The following ANO3 variants were observed in gnomAD, a reference collection of about 807,000 sequenced individuals.
ANO3 encodes anoctamin 3, also known as anoctamin-3.
In ANO3, 99 loss-of-function variants were observed where a neutral mutation model predicts 144.8. The ratio of observed to expected loss-of-function variants is 0.68; its 90% CI spans 0.58 to 0.81. The LOEUF (loss-of-function observed/expected upper bound fraction) is 0.81, where lower values mean the gene tolerates loss of function less well. Ranked by LOEUF, ANO3 falls within the 30% of genes least tolerant of loss-of-function variation. The probability of loss-of-function intolerance (pLI) is 0.00; values close to 1 mark genes in which losing one functional copy is unlikely to be tolerated. For missense variants in ANO3, 905 were observed against 1,202.2 expected (o/e 0.75, Z 3.66); for synonymous variants, 414 against 392.6 (o/e 1.05, Z -0.64).
chr11:26,308,569 T>C (rs1317239630), upstream of ANO3, among the ~76,000 whole-genome samples: 7 of 152,184 alleles, frequency 4.6e-5, no homozygotes, highest in Non-Finnish European at 1.0e-4. Flanking sequence ...GCAGGCTACT[T>C]AAAAAGTGAG....
chr11:26,230,163 G>C (rs1852360115), intron 1 of ANO3, among the ~76,000 whole-genome samples: 1 of 152,190 alleles, frequency 6.6e-6, no homozygotes, highest in Non-Finnish European at 1.5e-5. Context: ...GAAGTGGATA[G>C]TTCAACAAAA....
chr11:26,358,407 T>C (rs1855842534), intron 1 of ANO3, among the ~76,000 whole-genome samples: 1 of 152,130 alleles, frequency 6.6e-6, no homozygotes, highest in Admixed American at 6.5e-5. Flanking sequence ...CTTGACCTCG[T>C]GATCCACCTG....
In ANO3 at chr11:26,334,022, GTAT is replaced by G. The variant is rs1367782657; in HGVS notation, c.46+1705_46+1707del. ...AGCTTCAAATGGCCCCCACAACAAT[GTAT>G]TATGTATGGATACATGTTGTGTTTT... is the stretch of plus-strand genomic sequence containing the variant. On this transcript the variant is annotated intron_variant, in intron 1 of 26. Coordinates refer to ENST00000256737, the MANE Select transcript of ANO3 (RefSeq NM_031418.4). Among the ~76,000 whole-genome samples the G allele has an allele frequency of 2.6e-5, 4 of 152,268 alleles. No homozygotes were observed. In the East Asian group the frequency reaches 7.7e-4, roughly 29 times the overall value.
At chr11:26,260,894 G>A (rs1043640872) in intron 1 of ANO3, among the ~76,000 whole-genome samples, 2 of 152,046 alleles carry the variant, frequency 1.3e-5, no homozygotes, top group African/African-American at 4.8e-5. Flanking sequence ...CTGTGATGCT[G>A]GGAAGGCTCT....
chr11:26,366,949 A>G (rs1231546753), intron 1 of ANO3, among the ~76,000 whole-genome samples: 2 of 151,960 alleles, frequency 1.3e-5, no homozygotes, highest in Non-Finnish European at 2.9e-5. Context: ...CAGAAATAAT[A>G]CCAAACATCT....
chr11:26,527,578 G>A (rs149032081), intron 7 of ANO3, among the ~76,000 whole-genome samples: 48 of 152,146 alleles, frequency 3.2e-4, no homozygotes, highest in African/African-American at 7.5e-4. Flanking sequence ...GAAATCAAAC[G>A]TGGCCATTTA....
intron 14 of ANO3, chr11:26,567,107 G>A: frequency 6.8e-7 from 1 of 1,464,868 alleles, no homozygotes; most frequent in Non-Finnish European, 9.1e-7. Context: ...TGCAGATGAA[G>A]AAACTGAAGC....
chr11:26,471,169 T>C (rs938581204), intron 4 of ANO3, among the ~76,000 whole-genome samples: 1 of 151,950 alleles, frequency 6.6e-6, no homozygotes, highest in Non-Finnish European at 1.5e-5. Flanking sequence ...CCCAAGTCTG[T>C]AAGCTAGGTG....
At chr11:26,630,542 CTTTTATTATCACACAG>C (rs142672537) in intron 18 of ANO3, among the ~76,000 whole-genome samples, 53,080 of 152,048 alleles carry the variant, frequency 0.35, 9,833 homozygotes, top group South Asian at 0.48. Flanking sequence ...GTACATGTAG[CTTTTATTATCACACAG>C]TTTTATAAAA....
At chr11:26,216,516 T>C (rs1373258002) in intron 1 of ANO3, among the ~76,000 whole-genome samples, 3 of 152,032 alleles carry the variant, frequency 2.0e-5, no homozygotes, top group Non-Finnish European at 4.4e-5. Flanking sequence ...ATTTATCCAT[T>C]CACTTGTTAA....
intron 1 of ANO3, among the ~76,000 whole-genome samples, chr11:26,288,589 G>A (rs12289854): frequency 0.048 from 7,352 of 152,038 alleles, 571 homozygotes; most frequent in African/African-American, 0.17. Flanking sequence ...GTATACTTCC[G>A]GTGGCCTCTA....
intron 1 of ANO3, among the ~76,000 whole-genome samples, chr11:26,248,904 G>C (rs1455878433): frequency 6.6e-6 from 1 of 152,086 alleles, no homozygotes. Flanking sequence ...ATAGGAATTC[G>C]AACCCTATTG....
At chr11:26,552,864 A>G (rs953040521) in intron 12 of ANO3, among the ~76,000 whole-genome samples, 1 of 152,046 alleles carries the variant, frequency 6.6e-6, no homozygotes, top group Admixed American at 6.6e-5. Flanking sequence ...AGAAAACCAA[A>G]TAGGTTTGAT....
At chr11:26,420,296 A>G (rs1377428259) in intron 1 of ANO3, among the ~76,000 whole-genome samples, 1 of 152,052 alleles carries the variant, frequency 6.6e-6, no homozygotes, top group Non-Finnish European at 1.5e-5. Flanking sequence ...GTAGAAGTGC[A>G]TATGTTGCTT....
intron 1 of ANO3, among the ~76,000 whole-genome samples, chr11:26,385,673 G>A (rs12283791): frequency 0.27 from 40,245 of 151,608 alleles, 5,993 homozygotes; most frequent in African/African-American, 0.4. Context: ...TGGGCCTATC[G>A]GGGTAATCCA....
At chr11:26,244,447 C>T (rs919878459) in intron 1 of ANO3, among the ~76,000 whole-genome samples, 2 of 152,092 alleles carry the variant, frequency 1.3e-5, no homozygotes, top group African/African-American at 4.8e-5. Context: ...TATTTTTATA[C>T]CACTTAGTCA....
At chr11:26,455,869 A>C (rs2134046154) in intron 3 of ANO3, among the ~76,000 whole-genome samples, 1 of 151,918 alleles carries the variant, frequency 6.6e-6, no homozygotes, top group African/African-American at 2.4e-5. Context: ...CTGGCACCAA[A>C]ACAGAGATAT....
intron 1 of ANO3, among the ~76,000 whole-genome samples, chr11:26,428,645 G>C (rs1201383971): frequency 2.0e-5 from 3 of 152,132 alleles, no homozygotes; most frequent in Admixed American, 6.6e-5. Flanking sequence ...CGAGGAGTCA[G>C]TTAGGGAAGC....
At chr11:26,653,254 C>G (rs1853587043) in intron 24 of ANO3, among the ~76,000 whole-genome samples, 1 of 152,162 alleles carries the variant, frequency 6.6e-6, no homozygotes. Context: ...TTCATCCAAT[C>G]CTGCTTAACC....
Sources: gnomAD v4.1 joint callset for allele counts (sites outside exome capture counted in the v4.1 genomes callset) on GRCh38, gnomAD v4.1.1 for gene constraint, MANE v1.5 for transcripts, NCBI Gene and HGNC (gene_info 2026-07-23, HGNC 2026-07-21) for gene names.